Variants in IL1RAPL1 observed in about 807,000 individuals in gnomAD.
IL1RAPL1 encodes interleukin-1 receptor accessory protein-like 1.
A neutral mutation model predicts 48.4 loss-of-function variants in IL1RAPL1; 3 were observed. That is an observed-to-expected ratio of 0.06 (90% CI 0.03 to 0.16). The LOEUF is 0.16. Among genes scored for constraint, IL1RAPL1 ranks in the 10% least tolerant of loss-of-function variants. The probability of loss-of-function intolerance (pLI) is 1.00; values close to 1 mark genes in which losing one functional copy is unlikely to be tolerated. For synonymous variants in IL1RAPL1, 185 were observed against 187.7 expected (o/e 0.99, Z 0.12); for missense variants, 349 against 530.6 (o/e 0.66, Z 3.36).
chrX:29,015,446 A>G (rs1709168184), intron 2 of IL1RAPL1, among the ~76,000 whole-genome samples: 1 of 111,168 alleles, frequency 9.0e-6, no homozygotes, highest in South Asian at 3.7e-4. Context: ...TTATACAGAT[A>G]CTATATTGAT....
chrX:28,781,006 T>C (rs1400002316), intron 1 of IL1RAPL1, among the ~76,000 whole-genome samples: 1 of 111,723 alleles, frequency 9.0e-6, no homozygotes, highest in East Asian at 2.8e-4. Context: ...ATAGAAAATA[T>C]AATAATTATC....
At chrX:28,687,754 C>T (rs1459766021) in intron 1 of IL1RAPL1, among the ~76,000 whole-genome samples, 3 of 106,904 alleles carry the variant, frequency 2.8e-5, no homozygotes, top group African/African-American at 1.0e-4. Flanking sequence ...TGCACTCCAG[C>T]CTGGGCGACA....
intron 5 of IL1RAPL1, among the ~76,000 whole-genome samples, chrX:29,439,309 A>G (rs888887412): frequency 3.6e-5 from 4 of 111,477 alleles, no homozygotes; most frequent in African/African-American, 1.3e-4. Context: ...AGCTGTCTAG[A>G]TCATGTTCTT....
intron 2 of IL1RAPL1, among the ~76,000 whole-genome samples, chrX:29,229,376 T>C (rs1306113791): frequency 9.0e-6 from 1 of 110,860 alleles, no homozygotes; most frequent in Non-Finnish European, 1.9e-5. Flanking sequence ...AAATTATTGG[T>C]CTTAACCCAT....
intron 5 of IL1RAPL1, among the ~76,000 whole-genome samples, chrX:29,417,660 T>C (rs763984168): frequency 9.0e-6 from 1 of 111,731 alleles, no homozygotes; most frequent in African/African-American, 3.2e-5. Context: ...CAAGTGATAA[T>C]TGCAATATGT....
At chrX:29,840,197 C>A (rs1345836708) in intron 6 of IL1RAPL1, among the ~76,000 whole-genome samples, 2 of 111,659 alleles carry the variant, frequency 1.8e-5, no homozygotes, top group Admixed American at 9.5e-5. Context: ...AAATTGAATT[C>A]TACTTTGGCC....
intron 5 of IL1RAPL1, among the ~76,000 whole-genome samples, chrX:29,465,653 A>T (rs185102957): frequency 9.0e-6 from 1 of 110,823 alleles, no homozygotes; most frequent in African/African-American, 3.3e-5. Context: ...GGGATTTTTT[A>T]AAGATCTGAA....
rs1270246223 is a variant in IL1RAPL1, at chrX:29,080,924, T to TTTTCTTTC, written c.83-201948_83-201941dup. On this transcript the variant is annotated intron_variant, in intron 2 of 10. Transcript: ENST00000378993. ...CATCCAGCTATTTTTTTTAAATATT[T>TTTTCTTTC]TTTCTTTCTTTCTTTCTTTCTTTCT... is the stretch of plus-strand genomic sequence containing the variant. Among the ~76,000 whole-genome samples the TTTTCTTTC allele has an allele frequency of 1.2e-3, 81 of 67,889 alleles. 1 individual carries two copies. Among genetic ancestry groups the TTTTCTTTC allele is most frequent in the Non-Finnish European group, 1.5e-3 (55 of 36,760 alleles). The allele number at this position is 67,889 out of a possible 115,157, so 59.0% of individuals were successfully genotyped here.
At chrX:28,931,664 T>C (rs1204760638) in intron 2 of IL1RAPL1, among the ~76,000 whole-genome samples, 9 of 111,999 alleles carry the variant, frequency 8.0e-5, no homozygotes, top group Non-Finnish European at 1.7e-4. Flanking sequence ...TGAATTGTTA[T>C]TCAGTATTTA....
chrX:29,380,373 A>G (rs1450848302), intron 3 of IL1RAPL1, among the ~76,000 whole-genome samples: 1 of 111,999 alleles, frequency 8.9e-6, no homozygotes, highest in Non-Finnish European at 1.9e-5. Context: ...GATTACAGGC[A>G]TGCGTCACCA....
At chrX:29,939,977 C>A (rs1933099302) in intron 8 of IL1RAPL1, among the ~76,000 whole-genome samples, 1 of 107,589 alleles carries the variant, frequency 9.3e-6, no homozygotes, top group African/African-American at 3.4e-5. Context: ...ATTCTCCTGT[C>A]TCAGCCTCCC....
chrX:28,736,431 C>CAAA (rs34112747), intron 1 of IL1RAPL1, among the ~76,000 whole-genome samples: 1 of 89,593 alleles, frequency 1.1e-5, no homozygotes, highest in African/African-American at 4.1e-5. Flanking sequence ...GAGACTGTCT[C>CAAA]AAAAAAAAAA....
intron 5 of IL1RAPL1, among the ~76,000 whole-genome samples, chrX:29,490,782 C>T (rs1935148029): frequency 9.3e-6 from 1 of 107,551 alleles, no homozygotes; most frequent in Non-Finnish European, 1.9e-5. Context: ...TACACACACT[C>T]ATCGCTATGT....
At chrX:29,607,953 C>T (rs1409709379) in intron 5 of IL1RAPL1, among the ~76,000 whole-genome samples, 1 of 112,449 alleles carries the variant, frequency 8.9e-6, no homozygotes, top group Non-Finnish European at 1.9e-5. Context: ...ACTTCAAACT[C>T]AACCTTTATG....
intron 8 of IL1RAPL1, among the ~76,000 whole-genome samples, chrX:29,934,263 TA>T (rs1932993978): frequency 9.0e-6 from 1 of 111,553 alleles, no homozygotes; most frequent in Non-Finnish European, 1.9e-5. Context: ...CTGCTTCAAT[TA>T]AAGGAATAAA....
intron 2 of IL1RAPL1, among the ~76,000 whole-genome samples, chrX:29,095,139 T>C (rs189863206): frequency 1.8e-5 from 2 of 111,298 alleles, no homozygotes; most frequent in Non-Finnish European, 3.8e-5. Flanking sequence ...CAAAATATGA[T>C]GCTATTTTCC....
chrX:29,310,080 C>T (rs1382971095), intron 3 of IL1RAPL1, among the ~76,000 whole-genome samples: 1 of 67,895 alleles, frequency 1.5e-5, no homozygotes, highest in African/African-American at 6.1e-5. Flanking sequence ...GGCGACAGAG[C>T]GAGACTCCGT....
intron 1 of IL1RAPL1, among the ~76,000 whole-genome samples, chrX:28,644,024 G>A (rs1162904874): frequency 8.9e-6 from 1 of 111,749 alleles, no homozygotes; most frequent in Non-Finnish European, 1.9e-5. Flanking sequence ...GTAGCTTATT[G>A]ATATTTACTC....
In IL1RAPL1 at chrX:29,151,371, G is replaced by A. The variant is rs141350983; in HGVS notation, c.83-131567G>A. Among the ~76,000 whole-genome samples the A allele has an allele frequency of 7.0e-3, 782 of 111,790 alleles. 5 individuals are homozygous for A. Among genetic ancestry groups the A allele is most frequent in the African/African-American group, 0.023 (702 of 30,761 alleles). ...TGCTGCTTCTGTGTAGTTTTGAACT[G>A]GATAGTTCTAATAATTGTTGCCAAA... On this transcript the variant is annotated intron_variant, in intron 2 of 10. Coordinates refer to ENST00000378993, the MANE Select transcript of IL1RAPL1 (RefSeq NM_014271.4).
Sources: allele counts gnomAD v4.1 joint callset (sites outside exome capture counted in the v4.1 genomes callset), GRCh38; gene constraint gnomAD v4.1.1; transcripts MANE v1.5; gene names NCBI Gene and HGNC (gene_info 2026-07-23, HGNC 2026-07-21).